The following RIMS2 variants were observed in gnomAD, a reference collection of about 807,000 sequenced individuals.
RIMS2 encodes regulating synaptic membrane exocytosis protein 2.
In RIMS2, 59 loss-of-function variants were observed where a neutral mutation model predicts 174.4. The ratio of observed to expected loss-of-function variants is 0.34; its 90% CI spans 0.27 to 0.42. RIMS2 has a LOEUF of 0.42. Among genes scored for constraint, RIMS2 ranks in the 10% least tolerant of loss-of-function variants. The pLI is 1.00. For missense variants in RIMS2, 1,620 were observed against 1,666.3 expected, an observed-to-expected ratio of 0.97 and a Z score of 0.48; for synonymous variants, 606 against 572.5, an observed-to-expected ratio of 1.06 and a Z score of -0.84.
In RIMS2 at chr8:103,835,837, G is replaced by A. The variant is rs59145316; in HGVS notation, c.699-49461G>A. The stretch of plus-strand genomic sequence containing the variant: ...ATTAAATAATCACTGTATTATCAGA[G>A]TATATTGAGAATATATAACTTTTCA... On this transcript the variant is annotated intron_variant, in intron 3 of 23. Transcript: ENST00000504942. Among the ~76,000 whole-genome samples the A allele has an allele frequency of 2.2e-3, 339 of 152,274 alleles. 1 individual carries two copies. The highest frequency in any genetic ancestry group is 7.9e-3 in the African/African-American group (327 of 41,556).
chr8:103,608,591 T>G (rs1486444164), intron 1 of RIMS2, among the ~76,000 whole-genome samples: 1 of 148,286 alleles, frequency 6.7e-6, no homozygotes, highest in East Asian at 1.9e-4. Context: ...TCCCCCAGCC[T>G]CGCTGCCGCC....
intron 1 of RIMS2, chr8:103,568,847 C>T (rs1191187187): frequency 2.6e-6 from 3 of 1,161,214 alleles, no homozygotes; most frequent in African/African-American, 3.0e-5. Flanking sequence ...GGTTAGCTGG[C>T]TGGTCTTTGT....
At position 104,039,042 on chromosome 8, in the gene RIMS2, GA is replaced by G. The variant is rs368315547; in HGVS notation, c.3334+24436del. Among the ~76,000 whole-genome samples the G allele has an allele frequency of 1.1e-3, 158 of 150,470 alleles. 3 individuals are homozygous for G. The South Asian group carries it at 0.016, about 16-fold the overall frequency. On this transcript the variant is annotated intron_variant, in intron 19 of 23. Coordinates refer to ENST00000504942, the Ensembl canonical transcript of RIMS2. ...TAATCATATAAATTTTGTACTTCCT[GA>G]AAAAAAAATTTTTATTGTTGATTCT... is the stretch of plus-strand genomic sequence containing the variant.
intron 17 of RIMS2, among the ~76,000 whole-genome samples, chr8:104,012,677 T>C (rs1480939155): frequency 6.6e-6 from 1 of 152,140 alleles, no homozygotes; most frequent in East Asian, 1.9e-4. Context: ...TTATGCTAGG[T>C]TCCAGGGATA....
At chr8:104,010,011 T>TGGAC (rs1565827301) in intron 17 of RIMS2, among the ~76,000 whole-genome samples, 3 of 151,082 alleles carry the variant, frequency 2.0e-5, no homozygotes, top group South Asian at 4.2e-4. Flanking sequence ...GATGGATGGA[T>TGGAC]GGACGGACGG....
intron 3 of RIMS2, chr8:103,880,737 T>C (rs759659604): frequency 6.2e-5 from 28 of 453,276 alleles, no homozygotes; most frequent in Non-Finnish European, 1.1e-4. Flanking sequence ...ATGTAAAAAT[T>C]TATATATTTT....
At chr8:103,588,194 A>G (rs893836853) in intron 1 of RIMS2, among the ~76,000 whole-genome samples, 3 of 151,950 alleles carry the variant, frequency 2.0e-5, no homozygotes, top group Admixed American at 6.6e-5. Flanking sequence ...GCTTAATCAA[A>G]GAAATGAAAG....
intron 2 of RIMS2, among the ~76,000 whole-genome samples, chr8:103,711,134 T>G (rs1298566375): frequency 6.6e-6 from 1 of 152,226 alleles, no homozygotes; most frequent in Non-Finnish European, 1.5e-5. Context: ...TCAACTCACT[T>G]TTACAATTGT....
chr8:103,916,968 G>T (rs1434803519), intron 8 of RIMS2, among the ~76,000 whole-genome samples: 1 of 152,048 alleles, frequency 6.6e-6, no homozygotes, highest in African/African-American at 2.4e-5. Flanking sequence ...TTTTTAACAA[G>T]GTAGACAAAC....
rs114323045 is a variant in RIMS2 at position 103,680,716 on chromosome 8, C to T, written c.177-16370C>T. Among the ~76,000 whole-genome samples, 1,106 of 151,938 alleles carry T rather than the reference C, an allele frequency of 7.3e-3. 22 individuals are homozygous for T. The highest frequency in any genetic ancestry group is 0.025 in the African/African-American group (1,035 of 41,510). ...TAAAGGATATGAATAGGCAGTTCAT[C>T]GGAAGGGCAGTCAAATTGACTGGAT... On this transcript the variant is annotated intron_variant, in intron 1 of 23. Coordinates refer to ENST00000504942, the Ensembl canonical transcript of RIMS2.
chr8:103,834,743 T>TCTTTCTTTCTTC (rs2098857030), intron 3 of RIMS2, among the ~76,000 whole-genome samples: 1 of 120,944 alleles, frequency 8.3e-6, no homozygotes, highest in East Asian at 2.1e-4. Flanking sequence ...TTTCTTTCTT[T>TCTTTCTTTCTTC]CTCTCTCTTT....
chr8:103,893,520 A>C (rs1277128023), intron 4 of RIMS2, among the ~76,000 whole-genome samples: 1 of 152,084 alleles, frequency 6.6e-6, no homozygotes, highest in East Asian at 1.9e-4. Context: ...CAAATAATGC[A>C]GTTTAGATCA....
chr8:103,759,389 C>T (rs980191430), intron 2 of RIMS2, among the ~76,000 whole-genome samples: 7 of 151,824 alleles, frequency 4.6e-5, no homozygotes, highest in African/African-American at 1.7e-4. Flanking sequence ...CACGGTGAAA[C>T]CCTTTCTCTA....
chr8:103,522,423 A>C (rs1278319264), intron 1 of RIMS2, among the ~76,000 whole-genome samples: 5 of 152,124 alleles, frequency 3.3e-5, no homozygotes, highest in Non-Finnish European at 5.9e-5. Context: ...ATTATTGGTC[A>C]TGTTAAACAG....
chr8:103,734,784 T>C (rs1369169302), intron 2 of RIMS2, among the ~76,000 whole-genome samples: 1 of 152,120 alleles, frequency 6.6e-6, no homozygotes, highest in Non-Finnish European at 1.5e-5. Flanking sequence ...CTTGTGCCTA[T>C]TTCTTTTTTG....
At chr8:103,798,514 A>G (rs2098573526) in intron 3 of RIMS2, among the ~76,000 whole-genome samples, 1 of 152,202 alleles carries the variant, frequency 6.6e-6, no homozygotes, top group South Asian at 2.1e-4. Flanking sequence ...GTCCTCAGAT[A>G]CAGTGAGGTT....
At chr8:104,006,086 C>A (rs2095564571) in intron 17 of RIMS2, among the ~76,000 whole-genome samples, 1 of 152,078 alleles carries the variant, frequency 6.6e-6, no homozygotes. Context: ...TGTCCTCTTA[C>A]AACTGTTTTG....
At chr8:103,661,534 C>T (rs749013161) in intron 1 of RIMS2, among the ~76,000 whole-genome samples, 7 of 151,894 alleles carry the variant, frequency 4.6e-5, no homozygotes, top group African/African-American at 1.5e-4. Flanking sequence ...GACAGAGTCT[C>T]GCTCTGTCAC....
intron 1 of RIMS2, among the ~76,000 whole-genome samples, chr8:103,631,307 G>A (rs2095913795): frequency 6.6e-6 from 1 of 152,152 alleles, no homozygotes; most frequent in African/African-American, 2.4e-5. Context: ...TACAGTGTAA[G>A]GAAGGGGTAA....
Sources: allele counts gnomAD v4.1 joint callset (sites outside exome capture counted in the v4.1 genomes callset), GRCh38; gene constraint gnomAD v4.1.1; transcripts MANE v1.5; gene names NCBI Gene and HGNC (gene_info 2026-07-23, HGNC 2026-07-21).